UTS2: variants seen among roughly 807,000 people sequenced by gnomAD.
UTS2 encodes the protein urotensin 2.
A neutral mutation model predicts 12.6 loss-of-function variants in UTS2; 10 were observed. That is an observed-to-expected ratio of 0.80 (90% CI 0.49 to 1.35). UTS2 has a LOEUF of 1.35. Among genes scored for constraint, UTS2 ranks in the 40% most tolerant of loss-of-function variants. UTS2 has a pLI of 0.00. For synonymous variants in UTS2, 52 were observed against 50.0 expected, an observed-to-expected ratio of 1.04 and a Z score of -0.17; for missense variants, 142 against 143.2, an observed-to-expected ratio of 0.99 and a Z score of 0.04.
chr1:7,852,854 G>A, intron 1 of UTS2, 47 bp downstream of exon 1: 3 of 1,568,678 alleles, frequency 1.9e-6, no homozygotes, highest in East Asian at 2.3e-5. Flanking sequence ...TTTAAGACTA[G>A]TAAAGGCTCT....
the UTS2 span, among the ~76,000 whole-genome samples, chr1:7,900,079 A>G: frequency 6.6e-6 from 1 of 152,220 alleles, no homozygotes; most frequent in Admixed American, 6.5e-5. Flanking sequence ...AGGAAAGCTT[A>G]GCTCCACTTC....
the UTS2 span, among the ~76,000 whole-genome samples, chr1:7,906,125 A>G: frequency 3.3e-5 from 5 of 152,274 alleles, no homozygotes; most frequent in East Asian, 9.6e-4. Flanking sequence ...TTCAACACCC[A>G]TAGAATTGCA....
chr1:7,866,416 G>A, the UTS2 span, among the ~76,000 whole-genome samples: 7 of 152,280 alleles, frequency 4.6e-5, no homozygotes, highest in African/African-American at 1.7e-4. The surrounding 1 kb of genome is among the most constrained non-coding windows in gnomAD (Gnocchi z 4.5). Flanking sequence ...GGGTTCCCAT[G>A]GGGCAAGGCC....
the UTS2 span, among the ~76,000 whole-genome samples, chr1:7,860,935 G>A: frequency 1.3e-5 from 2 of 151,610 alleles, no homozygotes; most frequent in Non-Finnish European, 2.9e-5. Context: ...CCAGCTACTC[G>A]GGAGGCTGAG....
the UTS2 span, among the ~76,000 whole-genome samples, chr1:7,897,745 C>A: frequency 6.6e-6 from 1 of 152,092 alleles, no homozygotes; most frequent in East Asian, 1.9e-4. Context: ...CGCCACCACG[C>A]CCGGCTAATT....
chr1:7,889,442 C>CAAAAAAA, the UTS2 span, among the ~76,000 whole-genome samples: 5 of 85,390 alleles, frequency 5.9e-5, no homozygotes, highest in Non-Finnish European at 8.9e-5. Flanking sequence ...ATCTTATCAC[C>CAAAAAAA]AAAAAAAAAA....
chr1:7,899,954 T>C, the UTS2 span, among the ~76,000 whole-genome samples: 4 of 152,226 alleles, frequency 2.6e-5, no homozygotes, highest in South Asian at 2.1e-4. Flanking sequence ...GATACAGCAA[T>C]TGGCTTCCTC....
At chr1:7,877,977 ATCT>A in the UTS2 span, among the ~76,000 whole-genome samples, 1 of 152,236 alleles carries the variant, frequency 6.6e-6, no homozygotes, top group East Asian at 1.9e-4. Flanking sequence ...ACCCAAAAAG[ATCT>A]TCTCCAAGGC....
chr1:7,854,400 C>T (rs184706459), upstream of UTS2, among the ~76,000 whole-genome samples: 1 of 147,506 alleles, frequency 6.8e-6, no homozygotes, highest in African/African-American at 2.5e-5. Context: ...CAACAATTAA[C>T]CAGGTGTGGT....
At chr1:7,879,516 G>A in the UTS2 span, among the ~76,000 whole-genome samples, 3 of 152,142 alleles carry the variant, frequency 2.0e-5, no homozygotes, top group Non-Finnish European at 4.4e-5. Context: ...TGAGGCAGGT[G>A]GATCACTTGA....
chr1:7,870,580 T>C, the UTS2 span, among the ~76,000 whole-genome samples: 1 of 152,216 alleles, frequency 6.6e-6, no homozygotes, highest in African/African-American at 2.4e-5. Flanking sequence ...CACAGGGGAA[T>C]TTGATTTTTC....
At chr1:7,909,852 C>G in the UTS2 span, among the ~76,000 whole-genome samples, 1 of 152,016 alleles carries the variant, frequency 6.6e-6, no homozygotes, top group Non-Finnish European at 1.5e-5. Flanking sequence ...AAACTCCTGA[C>G]CTCAAGTGAT....
In UTS2 at chr1:7,850,852, C is replaced by A. The variant is rs1314668979; in HGVS notation, c.174G>T (p.Glu58Asp). The A allele has an allele frequency of 1.2e-6, 2 of 1,614,100 alleles. No homozygotes were observed. The highest frequency in any genetic ancestry group is 1.7e-6 in the Non-Finnish European group (2 of 1,180,054). ...TATCCCCTCTTTCTGCACCCAGCAT[C>A]TCTGGCAGTATCTGTAGAAGGGAAG... ...ERASLLQILP[E>D]MLGAERGDIL... Residue 58 changes from glutamate (E) to aspartate (D), a missense_variant, in exon 2 of 4, where the codon GAG (glutamate) becomes GAT (aspartate). By Grantham distance (45) the Glu-to-Asp change is conservative (BLOSUM62 2). Coordinates refer to ENST00000361696, the MANE Select transcript of UTS2 (RefSeq NM_006786.4).
chr1:7,862,592 C>T, the UTS2 span, among the ~76,000 whole-genome samples: 3 of 152,050 alleles, frequency 2.0e-5, no homozygotes, highest in Non-Finnish European at 4.4e-5. Context: ...TGGCAGAAGG[C>T]AAGGGGGAGC....
the UTS2 span, among the ~76,000 whole-genome samples, chr1:7,898,804 C>G: frequency 6.6e-6 from 1 of 152,158 alleles, no homozygotes; most frequent in Middle Eastern, 3.4e-3. Flanking sequence ...AACCTAGATA[C>G]TTTCATCAGT....
the UTS2 span, among the ~76,000 whole-genome samples, chr1:7,889,106 A>G: frequency 6.6e-6 from 1 of 151,402 alleles, no homozygotes; most frequent in Non-Finnish European, 1.5e-5. Context: ...AAAGGCCCAG[A>G]GAGGACAAAT....
At chr1:7,857,493 A>AGC (rs1638337643), upstream of UTS2, among the ~76,000 whole-genome samples, 1 of 150,940 alleles carries the variant, frequency 6.6e-6, no homozygotes, top group South Asian at 2.1e-4. Context: ...AAAAAAGATG[A>AGC]GCTTGTGGGC....
the UTS2 span, among the ~76,000 whole-genome samples, chr1:7,861,928 T>G: frequency 3.3e-5 from 5 of 151,944 alleles, no homozygotes; most frequent in Admixed American, 1.3e-4. Flanking sequence ...TTTTTTTTTT[T>G]TCTGAGATGG....
the UTS2 span, among the ~76,000 whole-genome samples, chr1:7,862,016 G>A: frequency 3.6e-4 from 55 of 151,528 alleles, 1 homozygote; most frequent in African/African-American, 1.3e-3. Context: ...TGGTTCAAGC[G>A]ATTCTCCTGC....
Sources: gnomAD v4.1 joint callset for allele counts (sites outside exome capture counted in the v4.1 genomes callset) on GRCh38, gnomAD v4.1.1 for gene constraint, Gnocchi (gnomAD v3.1) non-coding constraint, MANE v1.5 for transcripts, NCBI Gene and HGNC (gene_info 2026-07-23, HGNC 2026-07-21) for gene names.